The following GPC6 variants were observed in gnomAD, a reference collection of about 807,000 sequenced individuals.
GPC6 encodes the protein glypican-6.
GPC6 carries 14 observed loss-of-function variants against 55.2 expected under a neutral mutation model. That is an observed-to-expected ratio of 0.25 (90% CI 0.17 to 0.40). The LOEUF is 0.40. Among genes scored for constraint, GPC6 ranks in the 10% least tolerant of loss-of-function variants. The probability of loss-of-function intolerance (pLI) is 1.00; values close to 1 mark genes in which losing one functional copy is unlikely to be tolerated. For missense variants in GPC6, 641 were observed against 708.5 expected (o/e 0.90, Z 1.08); for synonymous variants, 278 against 259.6 (o/e 1.07, Z -0.68).
chr13:93,918,264 T>C (rs1192985398), intron 3 of GPC6, among the ~76,000 whole-genome samples: 3 of 152,158 alleles, frequency 2.0e-5, no homozygotes, highest in African/African-American at 7.2e-5. Context: ...TCAAGATTTA[T>C]TTATCAAATA....
chr13:94,348,905 C>T lies in GPC6; in HGVS notation c.1153-33509C>T, dbSNP rs578110422. Among the ~76,000 whole-genome samples, 6 of 152,272 alleles carry T rather than the reference C, an allele frequency of 3.9e-5. No individual in the cohort carries two copies. In the East Asian group the frequency reaches 5.8e-4, roughly 15 times the overall value. On this transcript the variant is annotated intron_variant, in intron 6 of 8. Coordinates refer to ENST00000377047, the MANE Select transcript of GPC6 (RefSeq NM_005708.5). Reference sequence around the variant, plus strand: ...GAATCCAAATTCAACAGAGCAAAAACGAAACACCCTATCTTCCTCCTCAGA... The same window carrying T: ...GAATCCAAATTCAACAGAGCAAAAATGAAACACCCTATCTTCCTCCTCAGA...
intron 7 of GPC6, 129 bp from the exon 8 acceptor site, chr13:94,398,337 C>T: frequency 1.4e-6 from 1 of 711,922 alleles, no homozygotes; most frequent in Admixed American, 2.1e-5. Flanking sequence ...TTTCCAGGAA[C>T]TAGATCCAGT....
chr13:94,246,277 A>G (rs912632928), intron 4 of GPC6, among the ~76,000 whole-genome samples: 15 of 151,984 alleles, frequency 9.9e-5, no homozygotes, highest in Admixed American at 3.9e-4. Flanking sequence ...TATCTGATAT[A>G]TGGTTTGTAA....
intron 4 of GPC6, among the ~76,000 whole-genome samples, chr13:94,155,782 C>A (rs1025913678): frequency 6.6e-6 from 1 of 152,152 alleles, no homozygotes; most frequent in African/African-American, 2.4e-5. Context: ...CATAGACATT[C>A]GCCACCTGTC....
At chr13:93,613,526 AC>A (rs1303337781) in intron 2 of GPC6, among the ~76,000 whole-genome samples, 7,626 of 136,038 alleles carry the variant, frequency 0.056, 622 homozygotes, top group African/African-American at 0.18. Context: ...ACACACACAC[AC>A]AAAACACACA....
At chr13:93,892,957 A>G (rs1220471006) in intron 3 of GPC6, among the ~76,000 whole-genome samples, 1 of 148,902 alleles carries the variant, frequency 6.7e-6, no homozygotes, top group Non-Finnish European at 1.5e-5. Flanking sequence ...AAGTATAAAT[A>G]TCAAAAATAT....
At chr13:94,376,646 T>C (rs895250781) in intron 6 of GPC6, among the ~76,000 whole-genome samples, 2 of 151,982 alleles carry the variant, frequency 1.3e-5, no homozygotes, top group Non-Finnish European at 2.9e-5. Context: ...ACAGATTCAA[T>C]GCCATCCCCA....
intron 1 of GPC6, among the ~76,000 whole-genome samples, chr13:93,373,203 G>A (rs956965364): frequency 1.4e-4 from 21 of 152,182 alleles, no homozygotes; most frequent in African/African-American, 4.8e-4. Context: ...TGGGGTGAAT[G>A]TAATGAATGG....
In GPC6 at chr13:94,027,845, C is replaced by T; in HGVS notation, c.828C>T (p.Gly276=). ...CNNYCLNVMK[G]CLANQADLDT... ...ACTACTGTCTCAACGTCATGAAGGG[C>T]TGCTTGGCAAATCAGGCTGACCTCG... The change falls in exon 4 of 9, where the codon GGC becomes GGT. Residue 276 remains glycine (G), a synonymous_variant. Transcript: ENST00000377047. 6.2e-7 allele frequency: 1 copy of T among 1,614,088 alleles called. No homozygotes were observed. The highest frequency in any genetic ancestry group is 8.5e-7 in the Non-Finnish European group (1 of 1,179,966).
the GPC6 span, among the ~76,000 whole-genome samples, chr13:93,216,698 T>G: frequency 6.6e-6 from 1 of 152,064 alleles, no homozygotes; most frequent in African/African-American, 2.4e-5. Context: ...TTTTCACCAA[T>G]GTCTGGCTGT....
chr13:94,201,801 T>C (rs1462438856), intron 4 of GPC6, among the ~76,000 whole-genome samples: 11 of 151,964 alleles, frequency 7.2e-5, no homozygotes, highest in African/African-American at 2.7e-4. Flanking sequence ...ATACAAAAAT[T>C]AGCTGGGCGT....
intron 1 of GPC6, among the ~76,000 whole-genome samples, chr13:93,406,986 A>T (rs1405733084): frequency 2.6e-5 from 4 of 152,208 alleles, no homozygotes; most frequent in Non-Finnish European, 4.4e-5. Flanking sequence ...TTTTAAAAAG[A>T]AAATTTAAAT....
At chr13:93,535,135 C>T (rs1051746729) in intron 1 of GPC6, among the ~76,000 whole-genome samples, 4 of 152,014 alleles carry the variant, frequency 2.6e-5, no homozygotes, top group African/African-American at 9.7e-5. Flanking sequence ...GTGTCTGGCT[C>T]CTTTTCAGTT....
intron 1 of GPC6, among the ~76,000 whole-genome samples, chr13:93,340,571 G>A (rs780586787): frequency 2.6e-5 from 4 of 152,174 alleles, no homozygotes; most frequent in Non-Finnish European, 4.4e-5. Context: ...TGAGGAGGCA[G>A]CCATGCAAGG....
At chr13:94,154,663 T>G (rs1175223237) in intron 4 of GPC6, among the ~76,000 whole-genome samples, 1 of 152,162 alleles carries the variant, frequency 6.6e-6, no homozygotes, top group Non-Finnish European at 1.5e-5. Flanking sequence ...CACAGATCTT[T>G]TGCCCTTCCC....
intron 1 of GPC6, among the ~76,000 whole-genome samples, chr13:93,239,008 C>T (rs7994461): frequency 0.27 from 41,405 of 151,754 alleles, 5,959 homozygotes; most frequent in African/African-American, 0.38. Context: ...TTGTTGAGGA[C>T]TTTTGCATCT....
At chr13:93,758,749 T>C (rs892043272) in intron 2 of GPC6, among the ~76,000 whole-genome samples, 1 of 152,134 alleles carries the variant, frequency 6.6e-6, no homozygotes, top group African/African-American at 2.4e-5. Flanking sequence ...ACCATAGAAG[T>C]TGAACACTGA....
intron 6 of GPC6, among the ~76,000 whole-genome samples, chr13:94,370,074 A>C (rs1407953314): frequency 6.6e-6 from 1 of 152,240 alleles, no homozygotes; most frequent in Non-Finnish European, 1.5e-5. Flanking sequence ...GTTCTTTAGC[A>C]AATGAGTAGC....
At chr13:93,992,971 T>C (rs888267854) in intron 3 of GPC6, among the ~76,000 whole-genome samples, 3 of 151,560 alleles carry the variant, frequency 2.0e-5, no homozygotes, top group Admixed American at 6.6e-5. Flanking sequence ...TTCTATAAAA[T>C]TATCATGAAG....
Sources: allele counts gnomAD v4.1 joint callset (sites outside exome capture counted in the v4.1 genomes callset), GRCh38; gene constraint gnomAD v4.1.1; transcripts MANE v1.5; gene names NCBI Gene and HGNC (gene_info 2026-07-23, HGNC 2026-07-21).